TEP1: variants seen among roughly 807,000 people sequenced by gnomAD.
TEP1 encodes the protein telomerase protein component 1.
TEP1 carries 241 observed loss-of-function variants against 306.3 expected under a neutral mutation model. The ratio of observed to expected loss-of-function variants is 0.79; its 90% CI spans 0.71 to 0.88. The LOEUF is 0.88. Ranked by LOEUF, TEP1 falls within the 40% of genes least tolerant of loss-of-function variation. TEP1 has a pLI of 0.00. For missense variants in TEP1, 3,051 were observed against 3,276.1 expected (o/e 0.93, Z 1.68); for synonymous variants, 1,289 against 1,305.5 (o/e 0.99, Z 0.27).
At chr14:20,384,811 C>G in intron 21 of TEP1, 98 bp from the exon 22 acceptor site, 1 of 1,482,900 alleles carries the variant, frequency 6.7e-7, no homozygotes, top group Non-Finnish European at 9.2e-7. Context: ...TGAAGCTCCT[C>G]AAGTAGAGAG....
At chr14:20,385,736 A>T (rs1877089243) in intron 20 of TEP1, among the ~76,000 whole-genome samples, 2 of 152,188 alleles carry the variant, frequency 1.3e-5, no homozygotes, top group African/African-American at 2.4e-5. Flanking sequence ...TCTCTTTAAT[A>T]TAGGGAAATG....
intron 7 of TEP1, among the ~76,000 whole-genome samples, chr14:20,402,360 A>G (rs59497578): frequency 0.3 from 46,179 of 152,156 alleles, 8,326 homozygotes; most frequent in Non-Finnish European, 0.42. Context: ...AGCATCTTCT[A>G]TGGCAGAAGA....
intron 51 of TEP1, 85 bp from the exon 52 acceptor site, chr14:20,369,864 G>T: frequency 1.9e-6 from 2 of 1,076,140 alleles, no homozygotes; most frequent in South Asian, 1.5e-5. Flanking sequence ...GCTCTGGGCT[G>T]GTCAGGAATT....
Position 20,401,069 on chromosome 14 carries a change from C to G in TEP1, c.1464G>C (p.Lys488Asn). The G allele has an allele frequency of 6.2e-7, 1 of 1,614,244 alleles. No individual in the cohort carries two copies. Among genetic ancestry groups the G allele is most frequent in the Non-Finnish European group, 8.5e-7 (1 of 1,180,052 alleles). The change falls in exon 9 of 55, where the codon AAG (lysine) becomes AAC (asparagine). Residue 488 changes from lysine to asparagine, a missense_variant. This residue lies in a region of TEP1 where 1,507 missense variants were observed against 1,550.5 expected (regional missense o/e 0.97). Transcript: ENST00000262715. ...TCTCTGGCCTAGACAGCTTCATCCT[C>G]TTCCCAGCTCTGCTAGAATCCCAAG... ...PGPWDSSRAG[K>N]RMKLSRPETW...
chr14:20,380,255 C>T lies in TEP1; in HGVS notation c.4983G>A (p.Arg1661=). 6.2e-7 allele frequency: 1 copy of T among 1,614,016 alleles called. No homozygotes were observed. The highest frequency in any genetic ancestry group is 8.5e-7 in the Non-Finnish European group (1 of 1,180,002). ...CTTACCTTTGCTGATTTTTCATGGT[C>T]CGGGGTTTATTAAGCCATCGTAGTG... The part of the protein sequence containing the change: ...QHTLRWLNKP[R]TMKNQQSSSL... The change falls in exon 34 of 55, where the codon CGG becomes CGA. Residue 1661 remains arginine, a synonymous_variant. Coordinates refer to ENST00000262715, the MANE Select transcript of TEP1 (RefSeq NM_007110.5).
intron 44 of TEP1, among the ~76,000 whole-genome samples, chr14:20,374,087 T>C (rs1885028539): frequency 6.6e-6 from 1 of 151,072 alleles, no homozygotes; most frequent in Admixed American, 6.6e-5. Flanking sequence ...ATTTTCTTTT[T>C]CTCTTTTTTT....
intron 20 of TEP1, among the ~76,000 whole-genome samples, chr14:20,385,624 T>C (rs1050470085): frequency 3.3e-5 from 5 of 152,230 alleles, no homozygotes; most frequent in Non-Finnish European, 5.9e-5. Flanking sequence ...CCACCCGCCT[T>C]GGTCTCCCAA....
chr14:20,411,695 T>A (rs543173186), intron 1 of TEP1, among the ~76,000 whole-genome samples: 2 of 151,506 alleles, frequency 1.3e-5, no homozygotes, highest in East Asian at 3.9e-4. Flanking sequence ...AAAAAAAAAG[T>A]ATATACTGTT....
intron 1 of TEP1, among the ~76,000 whole-genome samples, chr14:20,412,548 C>T (rs1281373733): frequency 1.3e-5 from 2 of 152,198 alleles, no homozygotes; most frequent in Non-Finnish European, 2.9e-5. Context: ...TATGCAAATA[C>T]ATGCCTTCAC....
chr14:20,368,509 C>T lies in TEP1; in HGVS notation c.7812G>A (p.Leu2604=), dbSNP rs1884607219. The change falls in exon 55 of 55, where the codon CTG becomes CTA. Residue 2604 remains leucine, a synonymous_variant. Transcript: ENST00000262715. The part of the protein sequence containing the change: ...EGSVSCLEPW[L]GANSTLQLAV... ...CAAGCTGCAGGGTGGAGTTAGCGCC[C>T]AGCCAAGGTTCCAGGCAGCTCACTG... 6 of 1,614,022 alleles carry T rather than the reference C, an allele frequency of 3.7e-6. No individual in the cohort carries two copies. Among genetic ancestry groups the T allele is most frequent in the African/African-American group, 2.7e-5 (2 of 74,902 alleles).
intron 1 of TEP1, 133 bp downstream of exon 1, chr14:20,413,272 A>C (rs1879811496): frequency 6.6e-6 from 1 of 152,444 alleles, no homozygotes; most frequent in Admixed American, 6.5e-5. Context: ...GGTGGTTCCT[A>C]ACCGGCCCCG....
intron 16 of TEP1, 71 bp from the exon 17 acceptor site, chr14:20,389,368 C>G: frequency 6.4e-7 from 1 of 1,567,012 alleles, no homozygotes. Context: ...CCACTAACAT[C>G]CCAAGATGAA....
rs755976998 is a variant in TEP1 at position 20,371,438 on chromosome 14, T to A, written c.7220+51A>T. 6.8e-6 allele frequency: 11 copies of A among 1,607,436 alleles called. No individual in the cohort carries two copies. In the Admixed American group the frequency reaches 1.7e-4, roughly 25 times the overall value. ...ACTCAACCTCAGGATAACCACTAAC[T>A]CAGGTTTCCTTTTTCCCCAGCTCAG... On this transcript the variant is annotated intron_variant, in intron 50 of 54. Coordinates refer to ENST00000262715, the MANE Select transcript of TEP1 (RefSeq NM_007110.5).
Position 20,377,268 on chromosome 14 carries a change from G to A in TEP1, c.6088+12C>T. On this transcript the variant is annotated intron_variant, in intron 41 of 54. Transcript: ENST00000262715. ...CAGTAATTTGTTAACCCTGCCCACT[G>A]TCTAGTAGTACCTGAGGCAGAAGCC... 1 of 1,599,042 alleles carries A rather than the reference G, an allele frequency of 6.3e-7. No individual in the cohort carries two copies. The highest frequency in any genetic ancestry group is 8.6e-7 in the Non-Finnish European group (1 of 1,168,872).
intron 2 of TEP1, among the ~76,000 whole-genome samples, chr14:20,407,630 C>T (rs112477401): frequency 0.02 from 3,004 of 152,276 alleles, 32 homozygotes; most frequent in Non-Finnish European, 0.029. Flanking sequence ...CATGAGCCAC[C>T]GCACCCAGCC....
chr14:20,394,791 G>T (rs1878049043), intron 12 of TEP1, among the ~76,000 whole-genome samples: 1 of 152,152 alleles, frequency 6.6e-6, no homozygotes, highest in Non-Finnish European at 1.5e-5. Flanking sequence ...ACCACACCCA[G>T]CCAGGCTTGA....
chr14:20,399,462 A>G (rs1418625300), intron 9 of TEP1, among the ~76,000 whole-genome samples: 1 of 151,968 alleles, frequency 6.6e-6, no homozygotes, highest in African/African-American at 2.4e-5. Flanking sequence ...TGTGGTCTTC[A>G]AAAAGGGTTC....
chr14:20,399,303 T>C (rs1878468424), intron 9 of TEP1, among the ~76,000 whole-genome samples: 1 of 152,214 alleles, frequency 6.6e-6, no homozygotes, highest in Admixed American at 6.5e-5. Context: ...TGTTACTATG[T>C]ATAAAAGGTT....
intron 1 of TEP1, among the ~76,000 whole-genome samples, chr14:20,410,229 A>G (rs1259335277): frequency 2.6e-5 from 4 of 152,128 alleles, no homozygotes; most frequent in South Asian, 2.1e-4. Flanking sequence ...GATCTATCCA[A>G]TTCTCTCCAT....
Sources: allele counts gnomAD v4.1 joint callset (sites outside exome capture counted in the v4.1 genomes callset), GRCh38; gene constraint gnomAD v4.1.1; regional missense constraint gnomAD v4.1.1; transcripts MANE v1.5; gene names NCBI Gene and HGNC (gene_info 2026-07-23, HGNC 2026-07-21).